KCNT1: variants seen among roughly 807,000 people sequenced by gnomAD.
KCNT1 encodes the protein potassium sodium-activated channel subfamily T member 1.
A neutral mutation model predicts 147.8 loss-of-function variants in KCNT1; 78 were observed. The observed-to-expected ratio is 0.53, with a 90% confidence interval of 0.44 to 0.64. The LOEUF (loss-of-function observed/expected upper bound fraction) is 0.64. KCNT1 is among the 30% of genes least tolerant of loss of function. KCNT1 has a pLI of 0.00. For missense variants in KCNT1, 1,419 were observed against 1,750.3 expected (o/e 0.81, Z 3.38); for synonymous variants, 867 against 748.8 (o/e 1.16, Z -2.58).
chr9:135,788,049 T>C lies in KCNT1; in HGVS notation c.3502+1528T>C, dbSNP rs11103190. ...CGGCCGCCCGCACCTCGCTTGCTGA[T>C]ATTCTCTCTCTCTCTCTTTCTGTCT... is the stretch of plus-strand genomic sequence containing the variant. On this transcript the variant is annotated intron_variant, in intron 29 of 30. Coordinates refer to ENST00000371757, the MANE Select transcript of KCNT1 (RefSeq NM_020822.3). The C allele has an allele frequency of 0.27, 375,652 of 1,412,620 alleles. 52,930 individuals carry two copies. Among genetic ancestry groups the C allele is most frequent in the African/African-American group, 0.46 (32,934 of 70,984 alleles). 87.5% of individuals were successfully genotyped at this position (1,412,620 alleles called of 1,614,324 possible). A position where few individuals can be genotyped will look rare whatever the true frequency, so the allele number is the denominator to read the frequency against.
chr9:135,777,780 C>A (rs947075748), intron 21 of KCNT1, among the ~76,000 whole-genome samples: 2 of 150,814 alleles, frequency 1.3e-5, no homozygotes, highest in African/African-American at 4.9e-5. Flanking sequence ...GCTCCCTGTT[C>A]CCCCAGTTCC....
Position 135,759,679 on chromosome 9 carries a change from G to C in KCNT1, c.855G>C (p.Gly285=). The C allele has an allele frequency of 6.2e-7, 1 of 1,602,306 alleles. No individual in the cohort carries two copies. Among genetic ancestry groups the C allele is most frequent in the Non-Finnish European group, 8.5e-7 (1 of 1,173,072 alleles). The change falls in exon 11 of 31, where the codon GGG becomes GGC. Residue 285 remains glycine (G), a splice_region_variant and synonymous_variant. Coordinates refer to ENST00000371757, the MANE Select transcript of KCNT1 (RefSeq NM_020822.3). Reference sequence around the variant, plus strand: ...CGCCCCTCACTGCCAGGGGTTGCAGGACCTGCGGCATCCAGCACCTGGAGC... The same window carrying C: ...CGCCCCTCACTGCCAGGGGTTGCAGCACCTGCGGCATCCAGCACCTGGAGC... ...FCTLLCLVFT[G]TCGIQHLERA...
chr9:135,709,806 G>A (rs775990853), intron 1 of KCNT1, among the ~76,000 whole-genome samples: 17 of 151,914 alleles, frequency 1.1e-4, no homozygotes, highest in African/African-American at 3.9e-4. Context: ...TCAGCCTCCC[G>A]AGTAGCTGGG....
At chr9:135,784,419 C>A in intron 25 of KCNT1, 116 bp from the exon 26 acceptor site, 1 of 768,942 alleles carries the variant, frequency 1.3e-6, no homozygotes, top group Non-Finnish European at 2.2e-6. Flanking sequence ...TGAGGGGTGG[C>A]GAGCCCGTGG....
chr9:135,773,427 G>A (rs1832898073), intron 19 of KCNT1, among the ~76,000 whole-genome samples: 1 of 152,214 alleles, frequency 6.6e-6, no homozygotes, highest in Non-Finnish European at 1.5e-5. Flanking sequence ...AGAGCACAGA[G>A]GGGCACAGCC....
At chr9:135,772,273 C>T (rs1273283407) in intron 18 of KCNT1, among the ~76,000 whole-genome samples, 2 of 152,212 alleles carry the variant, frequency 1.3e-5, no homozygotes, top group African/African-American at 2.4e-5. Flanking sequence ...CCACAACCCC[C>T]ATCTGGCAGC....
intron 2 of KCNT1, among the ~76,000 whole-genome samples, chr9:135,731,933 A>G (rs1027976917): frequency 7.0e-6 from 1 of 143,628 alleles, no homozygotes; most frequent in Non-Finnish European, 1.5e-5. Flanking sequence ...TCATCATCAC[A>G]TATCTAAATA....
chr9:135,726,099 G>A (rs1019208042), intron 2 of KCNT1, among the ~76,000 whole-genome samples: 1 of 152,122 alleles, frequency 6.6e-6, no homozygotes, highest in Non-Finnish European at 1.5e-5. Context: ...AGAAGGGCCG[G>A]CAAAGGACTG....
At chr9:135,783,914 G>A (rs769975513) in intron 24 of KCNT1, 110 bp from the exon 25 acceptor site, 12 of 763,930 alleles carry the variant, frequency 1.6e-5, no homozygotes, top group Non-Finnish European at 2.7e-5. Flanking sequence ...TGTGCACACA[G>A]GTATCATGCA....
chr9:135,791,811 C>T lies in KCNT1; in HGVS notation c.3517C>T (p.His1173Tyr), dbSNP rs1450163574. Reference protein sequence around the residue: ...PTTGYDEMNDHQNTLSYVLIN... With the variant: ...PTTGYDEMNDYQNTLSYVLIN... The stretch of plus-strand genomic sequence containing the variant: ...GTCCTTTGCAGACGAGATGAACGAC[C>T]ACCAGAACACCCTCTCCTACGTCCT... The change falls in exon 30 of 31, where the codon CAC (histidine) becomes TAC (tyrosine). Residue 1173 changes from histidine (H) to tyrosine (Y), a missense_variant. His to Tyr is a moderately conservative substitution (Grantham distance 83). Coordinates refer to ENST00000371757, the MANE Select transcript of KCNT1 (RefSeq NM_020822.3). The T allele has an allele frequency of 9.9e-6, 16 of 1,613,710 alleles. No individual in the cohort carries two copies. The highest frequency in any genetic ancestry group is 1.4e-5 in the Non-Finnish European group (16 of 1,179,916).
chr9:135,792,264 CACACTCTACT>C lies in KCNT1; in HGVS notation c.*104_*113del. 7.2e-7 allele frequency: 1 copy of C among 1,383,810 alleles called. No homozygotes were observed. The highest frequency in any genetic ancestry group is 2.3e-5 in the Admixed American group (1 of 44,078). 85.7% of individuals were successfully genotyped at this position (1,383,810 alleles called of 1,614,324 possible). The stretch of plus-strand genomic sequence containing the variant: ...GGCACTAGCGTGACCCTGGGGATGG[CACACTCTACT>C]CACCATGGCTCCTGGGACTCCACCC... On this transcript the variant is annotated 3_prime_UTR_variant, in exon 31 of 31. Transcript: ENST00000371757.
chr9:135,750,894 G>A (rs767947203), intron 3 of KCNT1, 48 bp from the exon 4 acceptor site: 36 of 1,575,132 alleles, frequency 2.3e-5, no homozygotes, highest in Non-Finnish European at 2.8e-5. Flanking sequence ...CCTGCTCCCC[G>A]AAGCCCAGAG....
intron 20 of KCNT1, among the ~76,000 whole-genome samples, 163 bp downstream of exon 20, chr9:135,775,578 A>G (rs1228009074): frequency 6.6e-6 from 1 of 152,230 alleles, no homozygotes; most frequent in African/African-American, 2.4e-5. Flanking sequence ...TCCTTCACCC[A>G]GATTCAGCAG....
chr9:135,704,874 C>G (rs1341950331), intron 1 of KCNT1, among the ~76,000 whole-genome samples: 1 of 152,212 alleles, frequency 6.6e-6, no homozygotes, highest in Admixed American at 6.5e-5. Flanking sequence ...CAGCACTGGC[C>G]GGCAGGAGGG....
At position 135,792,103 on chromosome 9, in the gene KCNT1, G is replaced by T. The variant is rs376398883; in HGVS notation, c.3650G>T (p.Ser1217Ile). ...AGCAGCTCCCAGAGCCGGAAGAGCAGCTGCAGCCACAAGCTGTCGTCCTGC... is the reference window on the plus strand; with the variant it reads ...AGCAGCTCCCAGAGCCGGAAGAGCATCTGCAGCCACAAGCTGTCGTCCTGC... ...VASSSQSRKS[S>I]CSHKLSSCNP... is the part of the protein sequence containing the mutation. Residue 1217 changes from serine (S) to isoleucine (I), a missense_variant, in exon 31 of 31, where the codon AGC becomes ATC. Around this residue, in one of 5 missense-constraint regions of KCNT1, gnomAD observed 306 missense variants for 294.2 expected, o/e 1.04. Coordinates refer to ENST00000371757, the MANE Select transcript of KCNT1 (RefSeq NM_020822.3). 11 of 1,604,502 alleles carry T rather than the reference G, an allele frequency of 6.9e-6. No homozygotes were observed. The highest frequency in any genetic ancestry group is 9.3e-6 in the Non-Finnish European group (11 of 1,179,448).
Position 135,775,352 on chromosome 9 carries a change from C to T in KCNT1, c.2286C>T (p.Ser762=). The change falls in exon 20 of 31, where the codon AGC becomes AGT. Residue 762 remains serine, a synonymous_variant. Coordinates refer to ENST00000371757, the MANE Select transcript of KCNT1 (RefSeq NM_020822.3). ...GYPPNSPYIG[S]SPTLCHLLPV... is the part of the protein sequence containing the mutation. ...CTCCCAACTCGCCCTACATCGGCAG[C>T]TCCCCAACCCTGTGCCACCTCCTGC... 1 of 1,609,588 alleles carries T rather than the reference C, an allele frequency of 6.2e-7. No individual in the cohort carries two copies. Among genetic ancestry groups the T allele is most frequent in the Non-Finnish European group, 8.5e-7 (1 of 1,178,088 alleles).
At position 135,768,941 on chromosome 9, in the gene KCNT1, C is replaced by A; in HGVS notation, c.1510+4C>A. 2 of 1,607,212 alleles carry A rather than the reference C, an allele frequency of 1.2e-6. No individual in the cohort carries two copies. Among genetic ancestry groups the A allele is most frequent in the Non-Finnish European group, 8.5e-7 (1 of 1,176,028 alleles). Reference sequence around the variant, plus strand: ...AAGTTTCACGTCAAGTTTGCTGGTGCGTCTGGGGCACACGTGGGTGATGGT... The same window carrying A: ...AAGTTTCACGTCAAGTTTGCTGGTGAGTCTGGGGCACACGTGGGTGATGGT... On this transcript the variant is annotated splice_donor_region_variant and intron_variant, in intron 15 of 30. Transcript: ENST00000371757.
chr9:135,774,221 CTGTGTGTTG>C (rs1432389185), intron 19 of KCNT1, among the ~76,000 whole-genome samples: 1 of 135,450 alleles, frequency 7.4e-6, no homozygotes, highest in East Asian at 2.2e-4. Flanking sequence ...TATGTGGTGT[CTGTGTGTTG>C]TGTGTGGTGT....
chr9:135,756,005 G>A (rs941125035), intron 6 of KCNT1, among the ~76,000 whole-genome samples: 1 of 147,332 alleles, frequency 6.8e-6, no homozygotes, highest in Admixed American at 6.8e-5. Context: ...CCCAGGGTCA[G>A]TAAATGCTGA....
Sources: allele counts gnomAD v4.1 joint callset (sites outside exome capture counted in the v4.1 genomes callset), GRCh38; gene constraint gnomAD v4.1.1; regional missense constraint gnomAD v4.1.1; transcripts MANE v1.5; gene names NCBI Gene and HGNC (gene_info 2026-07-23, HGNC 2026-07-21).